Variants in FMO2 observed in about 807,000 individuals in gnomAD.
FMO2 encodes the protein flavin-containing monooxygenase 2.
Under a neutral mutation model 41.6 loss-of-function variants are expected in FMO2, and 33 were observed. The ratio of observed to expected loss-of-function variants is 0.79; its 90% CI spans 0.60 to 1.06. The LOEUF (loss-of-function observed/expected upper bound fraction) is 1.06, where lower values mean the gene tolerates loss of function less well. Among genes scored for constraint, FMO2 ranks in the 50% least tolerant of loss-of-function variants. The pLI, the probability that FMO2 is intolerant of heterozygous loss-of-function variation, is 0.00. For missense variants in FMO2, 619 were observed against 632.9 expected, an observed-to-expected ratio of 0.98 and a Z score of 0.23; for synonymous variants, 214 against 219.6, an observed-to-expected ratio of 0.97 and a Z score of 0.23.
intron 4 of FMO2, among the ~76,000 whole-genome samples, chr1:171,198,450 G>A (rs1394692827): frequency 6.7e-6 from 1 of 148,684 alleles, no homozygotes; most frequent in Non-Finnish European, 1.5e-5. Context: ...CTGTCACCCA[G>A]ACTGGAGTGC....
At chr1:171,190,756 A>T (rs1040973095) in intron 2 of FMO2, among the ~76,000 whole-genome samples, 4 of 152,220 alleles carry the variant, frequency 2.6e-5, no homozygotes, top group African/African-American at 9.6e-5. Flanking sequence ...CTAAATACAC[A>T]GATGCCTACT....
At chr1:171,207,857 C>A (rs531008771) in intron 8 of FMO2, 67 bp downstream of exon 8, 2 of 1,010,464 alleles carry the variant, frequency 2.0e-6, no homozygotes, top group African/African-American at 3.3e-5. Flanking sequence ...TAACTACTTA[C>A]AAGAACCACC....
At chr1:171,197,052 T>C (rs1274042766) in intron 4 of FMO2, among the ~76,000 whole-genome samples, 1 of 152,178 alleles carries the variant, frequency 6.6e-6, no homozygotes, top group Non-Finnish European at 1.5e-5. Flanking sequence ...CTTGGCATAA[T>C]TTTAGAGAAT....
intron 2 of FMO2, among the ~76,000 whole-genome samples, chr1:171,190,578 A>G (rs1658037373): frequency 6.6e-6 from 1 of 152,230 alleles, no homozygotes; most frequent in African/African-American, 2.4e-5. Context: ...ACAATATAAC[A>G]ATAAGCACCA....
intron 2 of FMO2, 38 bp from the exon 3 acceptor site, chr1:171,193,297 T>G: frequency 4.0e-6 from 6 of 1,505,020 alleles, no homozygotes; most frequent in Non-Finnish European, 5.4e-6. Context: ...AATTTTTGAA[T>G]GCGTAATTAT....
rs1659025978 is a variant in FMO2, at chr1:171,212,608, A to G, written c.*3463A>G. On this transcript the variant is annotated 3_prime_UTR_variant, in exon 9 of 9. Transcript: ENST00000209929. ...AGAAAAATAAAGATATTTTAAACAA[A>G]ATACTAGGGCCATGGTATGTAATAA... is the stretch of plus-strand genomic sequence containing the variant. 6.6e-6 allele frequency among the ~76,000 whole-genome samples: 1 copy of G among 152,212 alleles called. No individual in the cohort carries two copies. Among genetic ancestry groups the G allele is most frequent in the Non-Finnish European group, 1.5e-5 (1 of 68,030 alleles).
chr1:171,191,896 G>A (rs191122809), intron 2 of FMO2, among the ~76,000 whole-genome samples: 145 of 143,786 alleles, frequency 1.0e-3, no homozygotes, highest in Middle Eastern at 6.9e-3. Context: ...AAAATTAGCC[G>A]GTGTAGTGGC....
In FMO2 at chr1:171,209,235, G is replaced by A. The variant is rs1658884444; in HGVS notation, c.*90G>A. On this transcript the variant is annotated 3_prime_UTR_variant, in exon 9 of 9. Coordinates refer to ENST00000209929, the MANE Select transcript of FMO2 (RefSeq NM_001460.5). ...CTAGAAGAAAAAACATTACATTCAT[G>A]TTCTAATTATAGATTTTAGAGTTAG... The A allele has an allele frequency of 4.8e-6, 2 of 414,338 alleles. No individual in the cohort carries two copies. The highest frequency in any genetic ancestry group is 8.3e-5 in the Admixed American group (2 of 24,198). 25.7% of individuals were successfully genotyped at this position (414,338 alleles called of 1,614,324 possible). A position where few individuals can be genotyped will look rare whatever the true frequency, so the allele number is the denominator to read the frequency against.
At chr1:171,207,675 A>G in intron 7 of FMO2, 43 bp from the exon 8 acceptor site, 1 of 1,243,596 alleles carries the variant, frequency 8.0e-7, no homozygotes, top group Non-Finnish European at 1.2e-6. Flanking sequence ...AAGTAATGAT[A>G]TTGACTCAAA....
In FMO2 at chr1:171,209,623, G is replaced by T. The variant is rs963540022; in HGVS notation, c.*478G>T. 3.3e-5 allele frequency: 5 copies of T among 152,256 alleles called. No homozygotes were observed. The highest frequency in any genetic ancestry group is 7.3e-5 in the Non-Finnish European group (5 of 68,164). 9.4% of individuals were successfully genotyped at this position (152,256 alleles called of 1,614,324 possible). On this transcript the variant is annotated 3_prime_UTR_variant, in exon 9 of 9. Transcript: ENST00000209929. ...GTCATGTTTCATTTGCTCAGTCGGG[G>T]ATCACTCAAAACTACTAGACAAAAA...
At chr1:171,193,585 A>T (rs1437206943) in intron 3 of FMO2, 62 bp downstream of exon 3, 3 of 1,079,656 alleles carry the variant, frequency 2.8e-6, no homozygotes, top group Non-Finnish European at 2.7e-6. Context: ...TAGATAGAAA[A>T]GTTACTCTGA....
At chr1:171,200,177 G>T (rs1658474579) in intron 5 of FMO2, among the ~76,000 whole-genome samples, 1 of 152,154 alleles carries the variant, frequency 6.6e-6, no homozygotes, top group African/African-American at 2.4e-5. Context: ...TAGATAGTAG[G>T]TCTCTCAACT....
At position 171,209,196 on chromosome 1, in the gene FMO2, GA is replaced by G. The variant is rs371841312; in HGVS notation, c.*62del. The G allele has an allele frequency of 0.015, 4,399 of 289,258 alleles. 28 individuals carry two copies. The highest frequency in any genetic ancestry group is 0.049 in the African/African-American group (1,955 of 40,060). 17.9% of individuals were successfully genotyped at this position (289,258 alleles called of 1,614,324 possible). ...ATCTTGTCAGTCACTACCTCCTAAAGAAAAAAAAAAAGGCTAGAAGAAAAAA... is the reference window on the plus strand; with the variant it reads ...ATCTTGTCAGTCACTACCTCCTAAAGAAAAAAAAAAGGCTAGAAGAAAAAA... On this transcript the variant is annotated 3_prime_UTR_variant, in exon 9 of 9. Coordinates refer to ENST00000209929, the MANE Select transcript of FMO2 (RefSeq NM_001460.5).
chr1:171,198,410 ATT>A lies in FMO2; in HGVS notation c.485-922_485-921del, dbSNP rs34908571. 4.3e-4 allele frequency among the ~76,000 whole-genome samples: 62 copies of A among 145,150 alleles called. No homozygotes were observed. In the Middle Eastern group the frequency reaches 0.014, roughly 34 times the overall value. On this transcript the variant is annotated intron_variant, in intron 4 of 8. Transcript: ENST00000209929. ...AATATTTAAGAGTATCTGATAAGTG[ATT>A]TTTTTTTTTTTTTGAGATGGAGTCT... is the stretch of plus-strand genomic sequence containing the variant.
intron 7 of FMO2, 110 bp from the exon 8 acceptor site, chr1:171,207,608 A>G: frequency 1.3e-6 from 1 of 778,268 alleles, no homozygotes; most frequent in African/African-American, 1.8e-5. Flanking sequence ...GGAAGCCCTG[A>G]CTGGTATGAC....
chr1:171,193,505 A>G lies in FMO2; in HGVS notation c.303A>G (p.Leu101=), dbSNP rs1658171803. The change falls in exon 3 of 9, where the codon CTA becomes CTG. Residue 101 remains leucine (L), a synonymous_variant. Transcript: ENST00000209929. ...TTTTTGCTAAAAAATTTGATCTGCT[A>G]AAATATATTCAGTTCCAGGTATTGT... is the stretch of plus-strand genomic sequence containing the variant. ...FRIFAKKFDL[L]KYIQFQTTVL... The G allele has an allele frequency of 6.2e-7, 1 of 1,602,874 alleles. No homozygotes were observed. Among genetic ancestry groups the G allele is most frequent in the African/African-American group, 1.3e-5 (1 of 74,608 alleles).
intron 2 of FMO2, among the ~76,000 whole-genome samples, chr1:171,189,663 T>C (rs1250778500): frequency 2.1e-5 from 3 of 144,822 alleles, no homozygotes; most frequent in South Asian, 4.6e-4. Context: ...TCTTTTCTTT[T>C]TTTTTTTTTT....
In FMO2 at chr1:171,211,025, A is replaced by G. The variant is rs1658958861; in HGVS notation, c.*1880A>G. 6.6e-6 allele frequency: 1 copy of G among 152,170 alleles called. No individual in the cohort carries two copies. Among genetic ancestry groups the G allele is most frequent in the Non-Finnish European group, 1.5e-5 (1 of 68,028 alleles). 9.4% of individuals were successfully genotyped at this position (152,170 alleles called of 1,614,324 possible). ...TTGCTCCCATAAGCAAATTTGTTTTAAAATAATTGTAAATGAGGTATATAC... is the reference window on the plus strand; with the variant it reads ...TTGCTCCCATAAGCAAATTTGTTTTGAAATAATTGTAAATGAGGTATATAC... On this transcript the variant is annotated 3_prime_UTR_variant, in exon 9 of 9. Transcript: ENST00000209929.
intron 2 of FMO2, among the ~76,000 whole-genome samples, chr1:171,189,586 C>G (rs188321232): frequency 3.0e-4 from 45 of 150,866 alleles, no homozygotes; most frequent in Admixed American, 3.3e-4. Flanking sequence ...ATGTGGTTCA[C>G]AAAGTTCATT....
Sources: gnomAD v4.1 joint callset for allele counts (sites outside exome capture counted in the v4.1 genomes callset) on GRCh38, gnomAD v4.1.1 for gene constraint, MANE v1.5 for transcripts, NCBI Gene and HGNC (gene_info 2026-07-23, HGNC 2026-07-21) for gene names.